The following MATN2 variants were observed in gnomAD, a reference collection of about 807,000 sequenced individuals.
MATN2 encodes the protein matrilin-2.
MATN2 carries 69 observed loss-of-function variants against 103.2 expected under a neutral mutation model. That is an observed-to-expected ratio of 0.67 (90% CI 0.55 to 0.82). The LOEUF (loss-of-function observed/expected upper bound fraction) is 0.82, where lower values mean the gene tolerates loss of function less well. Ranked by LOEUF, MATN2 falls within the 40% of genes least tolerant of loss-of-function variation. The pLI, the probability that MATN2 is intolerant of heterozygous loss-of-function variation, is 0.00. For synonymous variants in MATN2, 429 were observed against 450.2 expected, an observed-to-expected ratio of 0.95 and a Z score of 0.60; for missense variants, 1,023 against 1,211.5, an observed-to-expected ratio of 0.84 and a Z score of 2.31.
rs1811315014 is a variant in MATN2, at chr8:97,961,450, T to A, written c.878T>A (p.Leu293His). 1 of 1,613,770 alleles carries A rather than the reference T, an allele frequency of 6.2e-7. No individual in the cohort carries two copies. Among genetic ancestry groups the A allele is most frequent in the South Asian group, 1.1e-5 (1 of 91,034 alleles). ...CAMEDHNCEQLCVNVPGSFVC... is the reference protein window; with the variant it reads ...CAMEDHNCEQHCVNVPGSFVC... ...ATGGAGGACCACAACTGTGAGCAGC[T>A]CTGTGTGAATGTGCCGGGCTCCTTC... The change falls in exon 5 of 19, where the codon CTC (leucine) becomes CAC (histidine). Residue 293 changes from leucine to histidine, a missense_variant. Transcript: ENST00000254898.
Position 98,005,588 on chromosome 8 carries a change from A to G in MATN2, c.1328-1517A>G, listed in dbSNP as rs1038790498. ...TCTCTGGGATCTAGTCAACTCTAAG[A>G]AAGTACAAACCAAGCTGTTTCTGTC... On this transcript the variant is annotated intron_variant, in intron 8 of 18. Transcript: ENST00000254898. The surrounding 1 kb of genome is among the most constrained non-coding windows in gnomAD (Gnocchi z 4.6). 6.6e-6 allele frequency among the ~76,000 whole-genome samples: 1 copy of G among 152,138 alleles called. No individual in the cohort carries two copies. Among genetic ancestry groups the G allele is most frequent in the Non-Finnish European group, 1.5e-5 (1 of 68,030 alleles).
rs763182035 is a variant in MATN2 at position 97,994,495 on chromosome 8, C to A, written c.1097C>A (p.Ala366Asp). 29 of 1,612,062 alleles carry A rather than the reference C, an allele frequency of 1.8e-5. No homozygotes were observed. Among genetic ancestry groups the A allele is most frequent in the Non-Finnish European group, 2.5e-5 (29 of 1,179,332 alleles). ...KKTCTKIDYCASSNHGCQHEC... is the reference protein window; with the variant it reads ...KKTCTKIDYCDSSNHGCQHEC... ...TTCTTGCCAGAGATAGACTACTGTG[C>A]CTCATCTAATCACGGATGTCAGCAC... Residue 366 changes from alanine (A) to aspartate (D), a missense_variant, in exon 7 of 19, where the codon GCC becomes GAC. Physicochemically the swap from Ala to Asp is moderately radical, Grantham distance 126 (BLOSUM62 -2). Coordinates refer to ENST00000254898, the MANE Select transcript of MATN2 (RefSeq NM_002380.5).
intron 3 of MATN2, among the ~76,000 whole-genome samples, chr8:97,934,414 A>T (rs1288665058): frequency 1.3e-5 from 2 of 152,222 alleles, no homozygotes; most frequent in African/African-American, 4.8e-5. Context: ...GGCTAGGCAG[A>T]TGGCCTCAGT....
chr8:97,924,089 T>G (rs552311098), intron 2 of MATN2, among the ~76,000 whole-genome samples: 38 of 152,350 alleles, frequency 2.5e-4, no homozygotes, highest in African/African-American at 8.7e-4. Context: ...CTATAGGGAA[T>G]CACTATAGTC....
At chr8:97,901,339 G>A (rs1326152199) in intron 2 of MATN2, among the ~76,000 whole-genome samples, 1 of 151,608 alleles carries the variant, frequency 6.6e-6, no homozygotes, top group Non-Finnish European at 1.5e-5. Context: ...TGTAACCTCC[G>A]CCTTTTGGGT....
chr8:97,979,049 G>A, intron 6 of MATN2, 41 bp downstream of exon 6: 1 of 1,573,906 alleles, frequency 6.4e-7, no homozygotes, highest in Non-Finnish European at 8.6e-7. Context: ...AATATTTGCT[G>A]TTACTGCTGT....
chr8:97,925,690 G>A (rs1809966010), intron 2 of MATN2, among the ~76,000 whole-genome samples: 1 of 152,170 alleles, frequency 6.6e-6, no homozygotes, highest in African/African-American at 2.4e-5. Context: ...GAGACTGAGG[G>A]TCACACAGGT....
Position 98,005,409 on chromosome 8 carries a change from T to G in MATN2, c.1327+1626T>G, listed in dbSNP as rs555799012. Among the ~76,000 whole-genome samples the G allele has an allele frequency of 2.6e-5, 4 of 152,260 alleles. No homozygotes were observed. The highest frequency in any genetic ancestry group is 6.5e-5 in the Admixed American group (1 of 15,290). On this transcript the variant is annotated intron_variant, in intron 8 of 18. Coordinates refer to ENST00000254898, the MANE Select transcript of MATN2 (RefSeq NM_002380.5). The surrounding 1 kb of genome is among the most constrained non-coding windows in gnomAD (Gnocchi z 4.6). The stretch of plus-strand genomic sequence containing the variant: ...TTCCCGGAGTGTCAGGTCTGCCAGC[T>G]GATGGCCCTGGCAATTTTCCCAGGG...
chr8:97,923,847 G>GTTCCC (rs1217956399), intron 2 of MATN2, among the ~76,000 whole-genome samples: 3 of 152,174 alleles, frequency 2.0e-5, no homozygotes, highest in African/African-American at 7.2e-5. Flanking sequence ...ATGAGCTACT[G>GTTCCC]TTCCCAGCTA....
At chr8:97,969,621 GAA>G (rs553764889) in intron 5 of MATN2, among the ~76,000 whole-genome samples, 61 of 152,272 alleles carry the variant, frequency 4.0e-4, no homozygotes, top group African/African-American at 1.4e-3. Context: ...CTGGGGGAGA[GAA>G]AGAAGAATCA....
Position 98,035,768 on chromosome 8 carries a change from A to G in MATN2, c.*56A>G, listed in dbSNP as rs1405913872. ...TTGTATCACGGATTACAATGAACGCAGTGCAGAGCCCCAAAGCTCAGGCTA... is the reference window on the plus strand; with the variant it reads ...TTGTATCACGGATTACAATGAACGCGGTGCAGAGCCCCAAAGCTCAGGCTA... On this transcript the variant is annotated 3_prime_UTR_variant, in exon 19 of 19. Coordinates refer to ENST00000254898, the MANE Select transcript of MATN2 (RefSeq NM_002380.5). 10 of 1,130,996 alleles carry G rather than the reference A, an allele frequency of 8.8e-6. No individual in the cohort carries two copies. The highest frequency in any genetic ancestry group is 3.1e-5 in the African/African-American group (2 of 64,862). 70.1% of individuals were successfully genotyped at this position (1,130,996 alleles called of 1,614,324 possible).
intron 3 of MATN2, 122 bp from the exon 4 acceptor site, chr8:97,941,655 G>A: frequency 1.8e-6 from 2 of 1,104,860 alleles, no homozygotes; most frequent in Non-Finnish European, 2.6e-6. Context: ...GGTAGGGACT[G>A]CAGCTTATTT....
Position 98,018,542 on chromosome 8 carries a change from C to T in MATN2, c.1819+426C>T, listed in dbSNP as rs535673751. Among the ~76,000 whole-genome samples, 9 of 152,142 alleles carry T rather than the reference C, an allele frequency of 5.9e-5. No individual in the cohort carries two copies. The South Asian group carries it at 1.2e-3, about 21-fold the overall frequency. On this transcript the variant is annotated intron_variant, in intron 12 of 18. Coordinates refer to ENST00000254898, the MANE Select transcript of MATN2 (RefSeq NM_002380.5). ...GTGTATTCGTCCATTTTCACACTGC[C>T]GATAAAGACATACCCGAGACTGGGC...
At chr8:97,904,112 C>T (rs756824154) in intron 2 of MATN2, among the ~76,000 whole-genome samples, 61 of 152,096 alleles carry the variant, frequency 4.0e-4, no homozygotes, top group Admixed American at 9.2e-4. Flanking sequence ...TTTTTGCACT[C>T]TCTGGTTTTG....
chr8:97,958,339 G>C (rs1811204066), intron 4 of MATN2, among the ~76,000 whole-genome samples: 1 of 152,208 alleles, frequency 6.6e-6, no homozygotes, highest in Non-Finnish European at 1.5e-5. Flanking sequence ...CACCCTTCCA[G>C]AGCTGGTTCC....
chr8:97,935,963 G>C (rs1810357970), intron 3 of MATN2, among the ~76,000 whole-genome samples: 1 of 152,196 alleles, frequency 6.6e-6, no homozygotes, highest in Admixed American at 6.5e-5. Context: ...GAGAGTCCTG[G>C]CTTTTTTCTC....
intron 2 of MATN2, among the ~76,000 whole-genome samples, chr8:97,911,511 A>T (rs1314152857): frequency 2.0e-5 from 3 of 151,942 alleles, no homozygotes; most frequent in Non-Finnish European, 4.4e-5. Context: ...TATCGAGACC[A>T]TCCTGGCCAA....
chr8:97,931,569 C>A lies in MATN2; in HGVS notation c.712+47C>A. 3 of 1,476,236 alleles carry A rather than the reference C, an allele frequency of 2.0e-6. No homozygotes were observed. Among genetic ancestry groups the A allele is most frequent in the South Asian group, 2.6e-5 (2 of 76,824 alleles). 91.4% of individuals were successfully genotyped at this position (1,476,236 alleles called of 1,614,324 possible). On this transcript the variant is annotated intron_variant, in intron 3 of 18. Transcript: ENST00000254898. The surrounding 1 kb of genome is among the most constrained non-coding windows in gnomAD (Gnocchi z 4.1). ...CTCTTCTAGAGGAACCACTAGAATT[C>A]ATTCATTCATCTTCAAGTGTTCATT...
intron 5 of MATN2, among the ~76,000 whole-genome samples, chr8:97,972,648 A>G (rs561349702): frequency 3.9e-5 from 6 of 152,368 alleles, no homozygotes; most frequent in Non-Finnish European, 8.8e-5. Flanking sequence ...GGACCAGGTT[A>G]TAAAACAGAA....
Sources: gnomAD v4.1 joint callset for allele counts (sites outside exome capture counted in the v4.1 genomes callset) on GRCh38, gnomAD v4.1.1 for gene constraint, Gnocchi (gnomAD v3.1) non-coding constraint, MANE v1.5 for transcripts, NCBI Gene and HGNC (gene_info 2026-07-23, HGNC 2026-07-21) for gene names.